KIF26A: variants seen among roughly 807,000 people sequenced by gnomAD.
KIF26A encodes kinesin family member 26A, also known as kinesin-like protein KIF26A.
In KIF26A, 74 loss-of-function variants were observed where a neutral mutation model predicts 126.0. The ratio of observed to expected loss-of-function variants is 0.59; its 90% CI spans 0.49 to 0.71. The LOEUF is 0.71. Among genes scored for constraint, KIF26A ranks in the 30% least tolerant of loss-of-function variants. The pLI is 0.00. For missense variants in KIF26A, 2,984 were observed against 2,763.3 expected (o/e 1.08, Z -1.79); for synonymous variants, 1,445 against 1,232.7 (o/e 1.17, Z -3.61).
chr14:104,164,733 G>C (rs1384554833), intron 4 of KIF26A, among the ~76,000 whole-genome samples: 3 of 151,210 alleles, frequency 2.0e-5, no homozygotes, highest in Non-Finnish European at 2.9e-5. Context: ...GCGTGTCTGT[G>C]TGTGTGCGCG....
In KIF26A at chr14:104,176,169, C is replaced by T. The variant is rs2038023615; in HGVS notation, c.3381C>T (p.Pro1127=). The change falls in exon 12 of 15, where the codon CCC becomes CCT. Residue 1127 remains proline (P), a synonymous_variant. Coordinates refer to ENST00000423312, the MANE Select transcript of KIF26A (RefSeq NM_015656.2). The part of the protein sequence containing the change: ...VSVCTADSRD[P]TPQPRFSPDS... The stretch of plus-strand genomic sequence containing the variant: ...TCTGCACTGCCGACAGCCGTGACCC[C>T]ACGCCGCAGCCCCGCTTCAGCCCCG... 6.3e-7 allele frequency: 1 copy of T among 1,592,250 alleles called. No individual in the cohort carries two copies. Among genetic ancestry groups the T allele is most frequent in the Non-Finnish European group, 8.5e-7 (1 of 1,170,524 alleles).
At chr14:104,166,763 A>G in intron 4 of KIF26A, 96 bp from the exon 5 acceptor site, 1 of 1,177,078 alleles carries the variant, frequency 8.5e-7, no homozygotes, top group East Asian at 2.8e-5. Context: ...GTGGCTGATG[A>G]AGTCCCAGGG....
Position 104,174,176 on chromosome 14 carries a change from G to A in KIF26A, c.2059G>A (p.Glu687Lys). The A allele has an allele frequency of 1.9e-6, 3 of 1,590,006 alleles. No homozygotes were observed. The highest frequency in any genetic ancestry group is 2.6e-6 in the Non-Finnish European group (3 of 1,168,146). Residue 687 changes from glutamate to lysine, a missense_variant, in exon 11 of 15, where the codon GAA becomes AAA. Physicochemically the swap from Glu to Lys is moderately conservative, Grantham distance 56. Coordinates refer to ENST00000423312, the MANE Select transcript of KIF26A (RefSeq NM_015656.2). ...CCACAGGCTCACCATGCTGCTGCGT[G>A]AATCCCTGGCCACCGCTGGCTGCCG... ...RDHRLTMLLRESLATAGCRTT... is the reference protein window; with the variant it reads ...RDHRLTMLLRKSLATAGCRTT...
intron 2 of KIF26A, among the ~76,000 whole-genome samples, chr14:104,147,887 C>A (rs545590332): frequency 1.3e-5 from 2 of 152,208 alleles, no homozygotes; most frequent in Non-Finnish European, 2.9e-5. Flanking sequence ...ACCCTCCCAG[C>A]GGCCCTGCCA....
At chr14:104,149,908 T>C (rs2037711053) in intron 2 of KIF26A, among the ~76,000 whole-genome samples, 1 of 152,178 alleles carries the variant, frequency 6.6e-6, no homozygotes, top group Non-Finnish European at 1.5e-5. Flanking sequence ...AGGCGGGGAC[T>C]TCCTTCCCCT....
chr14:104,151,672 C>T lies in KIF26A; in HGVS notation c.289-343C>T, dbSNP rs2037730549. ...TGCTTTTAAGGGGCCCTGCTTCTTG[C>T]CAGTCTCCTGCGTGTCCCCGGCCAG... On this transcript the variant is annotated intron_variant, in intron 2 of 14. Transcript: ENST00000423312. The surrounding 1 kb of genome is among the most constrained non-coding windows in gnomAD (Gnocchi z 4.9). Among the ~76,000 whole-genome samples, 2 of 152,172 alleles carry T rather than the reference C, an allele frequency of 1.3e-5. No individual in the cohort carries two copies. Among genetic ancestry groups the T allele is most frequent in the African/African-American group, 4.8e-5 (2 of 41,442 alleles).
chr14:104,141,672 G>C (rs962608766), intron 2 of KIF26A, among the ~76,000 whole-genome samples: 1 of 151,214 alleles, frequency 6.6e-6, no homozygotes, highest in African/African-American at 2.4e-5. Context: ...CAGCCTGCCG[G>C]GGTCTCCCTG....
At position 104,166,889 on chromosome 14, in the gene KIF26A, G is replaced by C. The variant is rs1163108835; in HGVS notation, c.954G>C (p.Lys318Asn). The change falls in exon 5 of 15, where the codon AAG (lysine) becomes AAC (asparagine). Residue 318 changes from lysine to asparagine, a missense_variant. By Grantham distance (94) the Lys-to-Asn change is moderately conservative. Transcript: ENST00000423312. Reference protein sequence around the residue: ...RAMQKLSLASKRKKPHPPPPP... With the variant: ...RAMQKLSLASNRKKPHPPPPP... ...TGCAGAAGCTCAGCCTGGCCTCCAA[G>C]AGGAAGAAGCCCCACCCGCCACCGC... is the stretch of plus-strand genomic sequence containing the variant. 7 of 1,585,242 alleles carry C rather than the reference G, an allele frequency of 4.4e-6. No homozygotes were observed. The highest frequency in any genetic ancestry group is 3.5e-5 in the South Asian group (3 of 86,696).
At chr14:104,155,848 C>T (rs571476983) in intron 3 of KIF26A, among the ~76,000 whole-genome samples, 36 of 152,174 alleles carry the variant, frequency 2.4e-4, no homozygotes, top group East Asian at 1.6e-3. Context: ...GGGGAGGGCT[C>T]GGGCCCTGTG....
chr14:104,173,592 G>T (rs1193515029), intron 9 of KIF26A, 79 bp downstream of exon 9: 4 of 1,506,498 alleles, frequency 2.7e-6, no homozygotes, highest in South Asian at 1.3e-5. Context: ...CTGTCATCCA[G>T]TGGCTCCTGG....
At chr14:104,139,699 G>A (rs1235831673) in intron 2 of KIF26A, among the ~76,000 whole-genome samples, 1 of 152,220 alleles carries the variant, frequency 6.6e-6, no homozygotes, top group African/African-American at 2.4e-5. Context: ...CCCCAGCCAG[G>A]TGTCTGGAAA....
chr14:104,162,545 C>T (rs1288870902), intron 4 of KIF26A, among the ~76,000 whole-genome samples: 2 of 152,238 alleles, frequency 1.3e-5, no homozygotes, highest in Non-Finnish European at 2.9e-5. Flanking sequence ...TCTCCAAGTG[C>T]TGCTCCAGTC....
Position 104,177,301 on chromosome 14 carries a change from G to T in KIF26A, c.4513G>T (p.Ala1505Ser). The change falls in exon 12 of 15, where the codon GCT becomes TCT. Residue 1505 changes from alanine (A) to serine (S), a missense_variant. Ala to Ser is a moderately conservative substitution (Grantham distance 99). Transcript: ENST00000423312. ...TGGAGGCAAGGGCCGTGGCCTAGTGGCTGGTGGGTCGCGGGCTCTGGGGCC... is the reference window on the plus strand; with the variant it reads ...TGGAGGCAAGGGCCGTGGCCTAGTGTCTGGTGGGTCGCGGGCTCTGGGGCC... ...VGGGKGRGLV[A>S]GGSRALGPSV... 3.8e-6 allele frequency: 6 copies of T among 1,568,146 alleles called. No homozygotes were observed. Among genetic ancestry groups the T allele is most frequent in the South Asian group, 2.3e-5 (2 of 85,754 alleles).
At position 104,151,439 on chromosome 14, in the gene KIF26A, C is replaced by A. The variant is rs920539983; in HGVS notation, c.289-576C>A. On this transcript the variant is annotated intron_variant, in intron 2 of 14. Coordinates refer to ENST00000423312, the MANE Select transcript of KIF26A (RefSeq NM_015656.2). This position sits in a 1 kb window ranked among gnomAD's most constrained non-coding sequence, Gnocchi z 4.9. The stretch of plus-strand genomic sequence containing the variant: ...GCTGTACCCGATCCTGCGGCTCTTG[C>A]GCCCCTTCGGTGAGCTCATGTGCCC... 1.3e-5 allele frequency among the ~76,000 whole-genome samples: 2 copies of A among 152,224 alleles called. No homozygotes were observed. The highest frequency in any genetic ancestry group is 1.9e-4 in the East Asian group (1 of 5,184).
chr14:104,176,591 C>A lies in KIF26A; in HGVS notation c.3803C>A (p.Pro1268His), dbSNP rs199830144. 3.9e-5 allele frequency: 62 copies of A among 1,608,582 alleles called. No homozygotes were observed. The African/African-American group carries it at 5.1e-4, about 13-fold the overall frequency. ...GCCCCCAGCCCCACACTTGGCTCCC[C>A]CCGGCTGCCTGAGGCCCAGGTGATG... ...GRAPSPTLGS[P>H]RLPEAQVMLA... The change falls in exon 12 of 15, where the codon CCC becomes CAC. Residue 1268 changes from proline to histidine, a missense_variant. Transcript: ENST00000423312.
intron 11 of KIF26A, among the ~76,000 whole-genome samples, chr14:104,174,771 G>A (rs541306347): frequency 6.6e-4 from 100 of 152,274 alleles, no homozygotes; most frequent in African/African-American, 2.1e-3. Context: ...GGGTGACACC[G>A]TTTTCCTTGT....
chr14:104,163,850 A>G (rs2037854987), intron 4 of KIF26A, among the ~76,000 whole-genome samples: 2 of 151,912 alleles, frequency 1.3e-5, no homozygotes, highest in Non-Finnish European at 2.9e-5. Context: ...AAGGAACCCA[A>G]GTCCCCGAGG....
chr14:104,144,836 G>C (rs183742540), intron 2 of KIF26A, among the ~76,000 whole-genome samples: 2 of 152,362 alleles, frequency 1.3e-5, no homozygotes, highest in Non-Finnish European at 2.9e-5. Flanking sequence ...GAGTAAATAA[G>C]TAAGAGTAAA....
Position 104,138,715 on chromosome 14 carries a change from C to A in KIF26A, c.-8C>A. On this transcript the variant is annotated 5_prime_UTR_variant, in exon 1 of 15. Transcript: ENST00000423312. ...GAGCGCCTGCCGGGCTCTTCCCGCG[C>A]CCCGGCCATGGTCGGCCGCGGCGTC... The A allele has an allele frequency of 7.9e-7, 1 of 1,267,260 alleles. No individual in the cohort carries two copies. Among genetic ancestry groups the A allele is most frequent in the Non-Finnish European group, 9.9e-7 (1 of 1,007,850 alleles). 78.5% of individuals were successfully genotyped at this position (1,267,260 alleles called of 1,614,324 possible). A position where few individuals can be genotyped will look rare whatever the true frequency, so the allele number is the denominator to read the frequency against.
Sources: allele counts gnomAD v4.1 joint callset (sites outside exome capture counted in the v4.1 genomes callset), GRCh38; gene constraint gnomAD v4.1.1; non-coding constraint Gnocchi (gnomAD v3.1); transcripts MANE v1.5; gene names NCBI Gene and HGNC (gene_info 2026-07-23, HGNC 2026-07-21).